The following SCAMP1 variants were observed in gnomAD, a reference collection of about 807,000 sequenced individuals.
SCAMP1 encodes secretory carrier membrane protein 1.
Under a neutral mutation model 41.8 loss-of-function variants are expected in SCAMP1, and 15 were observed. That is an observed-to-expected ratio of 0.36 (90% CI 0.24 to 0.55). The LOEUF (loss-of-function observed/expected upper bound fraction) is 0.55. Among genes scored for constraint, SCAMP1 ranks in the 20% least tolerant of loss-of-function variants. The pLI, the probability that SCAMP1 is intolerant of heterozygous loss-of-function variation, is 0.86. For missense variants in SCAMP1, 341 were observed against 412.6 expected (o/e 0.83, Z 1.50); for synonymous variants, 135 against 136.8 (o/e 0.99, Z 0.09).
intron 8 of SCAMP1, among the ~76,000 whole-genome samples, chr5:78,468,144 A>G (rs899492471): frequency 6.6e-6 from 1 of 152,090 alleles, no homozygotes; most frequent in Non-Finnish European, 1.5e-5. Context: ...GTGGGTCATC[A>G]TTGGTGCTGC....
rs143659914 is a variant in SCAMP1, at chr5:78,375,564, A to C, written c.58-13273A>C. 8.9e-3 allele frequency among the ~76,000 whole-genome samples: 1,354 copies of C among 152,228 alleles called. 16 individuals carry two copies. The highest frequency in any genetic ancestry group is 0.031 in the African/African-American group (1,276 of 41,542). On this transcript the variant is annotated intron_variant, in intron 1 of 8. Coordinates refer to ENST00000621999, the MANE Select transcript of SCAMP1 (RefSeq NM_004866.6). The stretch of plus-strand genomic sequence containing the variant: ...CATTGGCTTCCTTGATAGAACTATA[A>C]ATGTGCATTTTCTTATAAATGTTTA...
At chr5:78,416,703 G>A in intron 4 of SCAMP1, 54 bp downstream of exon 4, 1 of 1,300,404 alleles carries the variant, frequency 7.7e-7, no homozygotes, top group Non-Finnish European at 1.1e-6. Context: ...TTTACATTAT[G>A]TCTATACTAG....
intron 6 of SCAMP1, among the ~76,000 whole-genome samples, chr5:78,425,998 A>G (rs1469103788): frequency 2.4e-5 from 3 of 122,966 alleles, no homozygotes; most frequent in Admixed American, 2.1e-4. Context: ...TCCTGTGTCC[A>G]TGTCTTCTCA....
In SCAMP1 at chr5:78,360,644, C is replaced by G. The variant is rs562856601; in HGVS notation, c.-28C>G. On this transcript the variant is annotated 5_prime_UTR_variant, in exon 1 of 9. Coordinates refer to ENST00000621999, the MANE Select transcript of SCAMP1 (RefSeq NM_004866.6). ...CTCGTCTCTCTCTCTGCGCCTGGGT[C>G]GGGTGGGTGACGCCGAGAGCCAGAG... is the stretch of plus-strand genomic sequence containing the variant. 6.3e-7 allele frequency: 1 copy of G among 1,597,796 alleles called. No individual in the cohort carries two copies. Among genetic ancestry groups the G allele is most frequent in the South Asian group, 1.1e-5 (1 of 88,538 alleles).
chr5:78,456,109 G>A (rs1753392441), intron 7 of SCAMP1, among the ~76,000 whole-genome samples: 1 of 115,286 alleles, frequency 8.7e-6, no homozygotes, highest in African/African-American at 3.6e-5. Flanking sequence ...CCTGAATACA[G>A]CACACTGATG....
chr5:78,440,645 A>T (rs926739196), intron 6 of SCAMP1, among the ~76,000 whole-genome samples: 2 of 151,926 alleles, frequency 1.3e-5, no homozygotes, highest in African/African-American at 4.8e-5. Flanking sequence ...CAGTTAGGCT[A>T]CTCTGGGGTC....
chr5:78,367,788 C>T (rs1750836310), intron 1 of SCAMP1, among the ~76,000 whole-genome samples: 1 of 151,550 alleles, frequency 6.6e-6, no homozygotes, highest in Non-Finnish European at 1.5e-5. Context: ...GCGTGTAGCA[C>T]CTGCTGATGC....
At chr5:78,398,638 G>T (rs972930732) in intron 2 of SCAMP1, among the ~76,000 whole-genome samples, 2 of 145,450 alleles carry the variant, frequency 1.4e-5, no homozygotes, top group Non-Finnish European at 3.0e-5. Context: ...CCACCTCCTG[G>T]GTTCAAGTGA....
intron 1 of SCAMP1, among the ~76,000 whole-genome samples, chr5:78,366,687 T>C (rs546820835): frequency 6.6e-6 from 1 of 152,172 alleles, no homozygotes; most frequent in South Asian, 2.1e-4. Flanking sequence ...TCCTCCCTTA[T>C]CTGTTTAAAA....
intron 7 of SCAMP1, among the ~76,000 whole-genome samples, chr5:78,456,219 C>T (rs1471826583): frequency 7.2e-6 from 1 of 139,016 alleles, no homozygotes; most frequent in African/African-American, 2.7e-5. Context: ...GAATTTGATC[C>T]TGTCATTATG....
At chr5:78,458,673 A>T (rs1175954879) in intron 7 of SCAMP1, among the ~76,000 whole-genome samples, 1 of 152,172 alleles carries the variant, frequency 6.6e-6, no homozygotes, top group East Asian at 1.9e-4. Flanking sequence ...CGAGGTCAGG[A>T]GTTCGAGACC....
At chr5:78,370,421 C>T (rs1354169776) in intron 1 of SCAMP1, among the ~76,000 whole-genome samples, 1 of 152,168 alleles carries the variant, frequency 6.6e-6, no homozygotes, top group South Asian at 2.1e-4. Context: ...TGTCCTGCAG[C>T]GTTTGACTTC....
At chr5:78,379,892 T>G (rs1007866319) in intron 1 of SCAMP1, among the ~76,000 whole-genome samples, 2 of 152,258 alleles carry the variant, frequency 1.3e-5, no homozygotes, top group Admixed American at 6.5e-5. Context: ...TGAGTTAATT[T>G]TGTTTTGTAA....
intron 6 of SCAMP1, among the ~76,000 whole-genome samples, chr5:78,430,638 C>T (rs924270814): frequency 5.3e-5 from 8 of 151,904 alleles, no homozygotes; most frequent in African/African-American, 1.9e-4. Context: ...TTAGAGTCTA[C>T]AAATCATGTT....
At chr5:78,387,201 G>C (rs909195640) in intron 1 of SCAMP1, among the ~76,000 whole-genome samples, 1 of 151,860 alleles carries the variant, frequency 6.6e-6, no homozygotes, top group South Asian at 2.1e-4. Context: ...CGAAAGCCTT[G>C]TGTTTGAGCT....
At chr5:78,411,410 A>G (rs368473233) in intron 2 of SCAMP1, among the ~76,000 whole-genome samples, 2 of 152,220 alleles carry the variant, frequency 1.3e-5, no homozygotes, top group African/African-American at 4.8e-5. Context: ...TTTTAGTGAC[A>G]AAAGATTGTA....
At chr5:78,415,405 G>T in intron 2 of SCAMP1, 115 bp from the exon 3 acceptor site, 1 of 639,778 alleles carries the variant, frequency 1.6e-6, no homozygotes. Context: ...TGAGAGAGCA[G>T]GGAATGAAGA....
At chr5:78,403,067 C>T (rs1410709191) in intron 2 of SCAMP1, among the ~76,000 whole-genome samples, 1 of 152,152 alleles carries the variant, frequency 6.6e-6, no homozygotes, top group East Asian at 1.9e-4. Flanking sequence ...GGCAGGGTTT[C>T]ACCATGTTGG....
intron 2 of SCAMP1, among the ~76,000 whole-genome samples, chr5:78,390,684 T>C (rs1751465505): frequency 6.6e-6 from 1 of 151,046 alleles, no homozygotes; most frequent in South Asian, 2.1e-4. Flanking sequence ...TGATCATTCT[T>C]GGGTGTTTCT....
Sources: allele counts gnomAD v4.1 joint callset (sites outside exome capture counted in the v4.1 genomes callset), GRCh38; gene constraint gnomAD v4.1.1; transcripts MANE v1.5; gene names NCBI Gene and HGNC (gene_info 2026-07-23, HGNC 2026-07-21).